Variants in ARHGAP24 observed in about 807,000 individuals in gnomAD.
The protein encoded by ARHGAP24 is Rho GTPase activating protein 24.
ARHGAP24 carries 50 observed loss-of-function variants against 76.4 expected under a neutral mutation model. The observed-to-expected ratio is 0.65, with a 90% confidence interval of 0.52 to 0.83. The LOEUF is 0.83. ARHGAP24 is among the 40% of genes least tolerant of loss of function. ARHGAP24 has a pLI of 0.00. For synonymous variants in ARHGAP24, 345 were observed against 323.3 expected, an observed-to-expected ratio of 1.07 and a Z score of -0.72; for missense variants, 930 against 914.2, an observed-to-expected ratio of 1.02 and a Z score of -0.22.
chr4:85,505,067 G>T (rs1468391119), intron 1 of ARHGAP24, among the ~76,000 whole-genome samples: 1 of 152,184 alleles, frequency 6.6e-6, no homozygotes, highest in Non-Finnish European at 1.5e-5. Flanking sequence ...CTTCTGGCTT[G>T]TAGGGTTTCT....
intron 1 of ARHGAP24, among the ~76,000 whole-genome samples, chr4:85,513,417 A>G (rs998569054): frequency 1.3e-5 from 2 of 152,186 alleles, no homozygotes; most frequent in African/African-American, 4.8e-5. Context: ...CTAGTACTCC[A>G]TTACCTGATT....
At chr4:85,942,888 A>G (rs537619856) in intron 5 of ARHGAP24, among the ~76,000 whole-genome samples, 5 of 152,128 alleles carry the variant, frequency 3.3e-5, no homozygotes, top group Non-Finnish European at 7.4e-5. Context: ...TTGAAAGCTT[A>G]GTAGAAAAAA....
At chr4:85,767,278 A>G (rs1413788356) in intron 3 of ARHGAP24, among the ~76,000 whole-genome samples, 1 of 152,214 alleles carries the variant, frequency 6.6e-6, no homozygotes, top group Admixed American at 6.5e-5. Context: ...GATTATAAGT[A>G]AACTTAAATG....
At chr4:85,914,425 A>G (rs1281181940) in intron 3 of ARHGAP24, among the ~76,000 whole-genome samples, 2 of 152,218 alleles carry the variant, frequency 1.3e-5, no homozygotes, top group Non-Finnish European at 2.9e-5. Context: ...AATGAGGTCC[A>G]AGAATTCCCA....
intron 3 of ARHGAP24, among the ~76,000 whole-genome samples, chr4:85,892,319 A>T (rs1171584609): frequency 1.3e-4 from 1 of 7,718 alleles, no homozygotes. Context: ...CAGCTCCTGG[A>T]TTCATTGATT....
intron 3 of ARHGAP24, among the ~76,000 whole-genome samples, chr4:85,792,302 G>A (rs541533894): frequency 9.9e-4 from 151 of 152,122 alleles, no homozygotes; most frequent in African/African-American, 3.6e-3. Flanking sequence ...GAATATACTG[G>A]TCCTGAAGAA....
chr4:85,537,047 A>G (rs1578016799), intron 1 of ARHGAP24, among the ~76,000 whole-genome samples: 1 of 152,160 alleles, frequency 6.6e-6, no homozygotes, highest in African/African-American at 2.4e-5. Flanking sequence ...AGGGAATATT[A>G]ATTCAGAGAA....
chr4:85,674,089 T>C (rs1722896396), intron 2 of ARHGAP24, among the ~76,000 whole-genome samples: 1 of 152,162 alleles, frequency 6.6e-6, no homozygotes, highest in African/African-American at 2.4e-5. Context: ...CCCAGTGTAC[T>C]GGTCCACGCA....
At chr4:85,955,382 C>G (rs1737852476) in intron 5 of ARHGAP24, among the ~76,000 whole-genome samples, 2 of 151,738 alleles carry the variant, frequency 1.3e-5, no homozygotes, top group Middle Eastern at 6.8e-3. Context: ...TAGCTAAAAA[C>G]AAAACAAAAC....
chr4:85,517,533 G>T (rs1447609837), intron 1 of ARHGAP24, among the ~76,000 whole-genome samples: 1 of 151,916 alleles, frequency 6.6e-6, no homozygotes. Context: ...TTCTTTAATT[G>T]TTCAAAAGAT....
At chr4:85,687,852 C>T (rs1723485772) in intron 2 of ARHGAP24, among the ~76,000 whole-genome samples, 1 of 151,790 alleles carries the variant, frequency 6.6e-6, no homozygotes, top group Non-Finnish European at 1.5e-5. Context: ...GCTTTTATTG[C>T]CCAGGCTGGA....
chr4:85,684,090 C>T (rs528050554), intron 2 of ARHGAP24, among the ~76,000 whole-genome samples: 1 of 152,258 alleles, frequency 6.6e-6, no homozygotes, highest in Admixed American at 6.5e-5. Flanking sequence ...CAAGATTCTA[C>T]TTTCAATTAT....
At chr4:85,491,010 T>C (rs1365393469) in intron 1 of ARHGAP24, among the ~76,000 whole-genome samples, 1 of 152,238 alleles carries the variant, frequency 6.6e-6, no homozygotes, top group Non-Finnish European at 1.5e-5. Context: ...TGTTTAGTTT[T>C]ACATTCTCCT....
intron 1 of ARHGAP24, among the ~76,000 whole-genome samples, chr4:85,539,120 A>G (rs188784334): frequency 0.011 from 1,652 of 152,296 alleles, 19 homozygotes; most frequent in Admixed American, 0.023. Flanking sequence ...AGCTTTGCAC[A>G]GTCTCTAAGA....
chr4:85,511,041 C>G (rs1227569124), intron 1 of ARHGAP24, among the ~76,000 whole-genome samples: 3 of 152,072 alleles, frequency 2.0e-5, no homozygotes, highest in African/African-American at 4.8e-5. Context: ...TAACGGCCAC[C>G]CATAAAATAC....
intron 3 of ARHGAP24, among the ~76,000 whole-genome samples, chr4:85,737,245 G>A (rs947073833): frequency 6.6e-6 from 1 of 152,116 alleles, no homozygotes; most frequent in Non-Finnish European, 1.5e-5. Context: ...GTGCCCAAAT[G>A]TAAAATTCAC....
chr4:85,556,319 C>T (rs1259646727), intron 1 of ARHGAP24, among the ~76,000 whole-genome samples: 1 of 152,132 alleles, frequency 6.6e-6, no homozygotes, highest in East Asian at 1.9e-4. Context: ...AACACAAAGC[C>T]ATTAGCAATG....
intron 3 of ARHGAP24, among the ~76,000 whole-genome samples, chr4:85,916,376 G>A (rs1735395256): frequency 6.6e-6 from 1 of 152,104 alleles, no homozygotes; most frequent in Non-Finnish European, 1.5e-5. Flanking sequence ...TGTTCACTCT[G>A]ATGATAGCTT....
intron 1 of ARHGAP24, among the ~76,000 whole-genome samples, chr4:85,506,241 C>T (rs1388161531): frequency 6.6e-6 from 1 of 152,168 alleles, no homozygotes; most frequent in East Asian, 1.9e-4. Flanking sequence ...TCTCAGAGCT[C>T]AAACGCCATG....
Sources: gnomAD v4.1 joint callset for allele counts (sites outside exome capture counted in the v4.1 genomes callset) on GRCh38, gnomAD v4.1.1 for gene constraint, MANE v1.5 for transcripts, NCBI Gene and HGNC (gene_info 2026-07-23, HGNC 2026-07-21) for gene names.